Variants in RALGAPA2 observed in about 807,000 individuals in gnomAD.
RALGAPA2 encodes the protein Ral GTPase activating protein catalytic subunit alpha 2.
RALGAPA2 carries 139 observed loss-of-function variants against 230.4 expected under a neutral mutation model. The ratio of observed to expected loss-of-function variants is 0.60; its 90% CI spans 0.53 to 0.69. RALGAPA2 has a LOEUF of 0.69. Ranked by LOEUF, RALGAPA2 falls within the 30% of genes least tolerant of loss-of-function variation. The pLI, the probability that RALGAPA2 is intolerant of heterozygous loss-of-function variation, is 0.00. For missense variants in RALGAPA2, 2,163 were observed against 2,276.0 expected, an observed-to-expected ratio of 0.95 and a Z score of 1.01; for synonymous variants, 847 against 837.8, an observed-to-expected ratio of 1.01 and a Z score of -0.19.
In RALGAPA2 at chr20:20,642,142, AG is replaced by A. The variant is rs2067054942; in HGVS notation, c.373-1265del. Among the ~76,000 whole-genome samples, 2 of 5,692 alleles carry A rather than the reference AG, an allele frequency of 3.5e-4. 1 individual carries two copies. The highest frequency in any genetic ancestry group is 6.0e-4 in the Non-Finnish European group (2 of 3,360). 3.7% of individuals were successfully genotyped at this position (5,692 alleles called of 152,430 possible). ...GGGAGGGGAGGGGAGGGGAGGGGAGAGAAGGGGAGGGGAGGGGAGGGGAGGG... is the reference window on the plus strand; with the variant it reads ...GGGAGGGGAGGGGAGGGGAGGGGAGAAAGGGGAGGGGAGGGGAGGGGAGGG... On this transcript the variant is annotated intron_variant, in intron 5 of 39. Coordinates refer to ENST00000202677, the MANE Select transcript of RALGAPA2 (RefSeq NM_020343.4).
chr20:20,637,779 C>G (rs2066902720), intron 7 of RALGAPA2, among the ~76,000 whole-genome samples: 4 of 152,180 alleles, frequency 2.6e-5, no homozygotes. Flanking sequence ...ATGTATCATG[C>G]CCATATTTTT....
chr20:20,699,265 G>A (rs2069245733), intron 1 of RALGAPA2, among the ~76,000 whole-genome samples: 1 of 152,188 alleles, frequency 6.6e-6, no homozygotes, highest in Admixed American at 6.5e-5. Context: ...AGCAGGGAAA[G>A]AGAAATGGAA....
At chr20:20,693,309 T>C (rs575237222) in intron 1 of RALGAPA2, among the ~76,000 whole-genome samples, 116 of 152,344 alleles carry the variant, frequency 7.6e-4, no homozygotes, top group African/African-American at 2.7e-3. Flanking sequence ...TTTTAACAGA[T>C]ATCAAATACC....
At chr20:20,693,110 G>T (rs927282857) in intron 1 of RALGAPA2, among the ~76,000 whole-genome samples, 1 of 152,084 alleles carries the variant, frequency 6.6e-6, no homozygotes, top group Non-Finnish European at 1.5e-5. Context: ...ACCAGATGTA[G>T]AACATCAAAT....
intron 39 of RALGAPA2, among the ~76,000 whole-genome samples, chr20:20,395,404 G>A (rs1195760150): frequency 6.6e-6 from 1 of 152,244 alleles, no homozygotes; most frequent in Non-Finnish European, 1.5e-5. Context: ...CACTCGCACT[G>A]CCTCCTCCCG....
At chr20:20,405,774 G>A (rs565950881) in intron 38 of RALGAPA2, among the ~76,000 whole-genome samples, 7 of 152,212 alleles carry the variant, frequency 4.6e-5, no homozygotes, top group South Asian at 2.1e-4. Flanking sequence ...ATTTCTTGTC[G>A]GTGGCCCACT....
chr20:20,664,416 G>C (rs1005774924), intron 3 of RALGAPA2, among the ~76,000 whole-genome samples: 3 of 151,988 alleles, frequency 2.0e-5, no homozygotes, highest in Non-Finnish European at 4.4e-5. Flanking sequence ...ATGACGGAAC[G>C]AACATTCAGT....
rs185735205 is a variant in RALGAPA2, at chr20:20,408,961, G to A, written c.5617+3066C>T. Among the ~76,000 whole-genome samples the A allele has an allele frequency of 3.1e-3, 473 of 152,274 alleles. 2 individuals are homozygous for A. The highest frequency in any genetic ancestry group is 0.01 in the African/African-American group (433 of 41,550). ...GATGGAATAGATACAAGGTAGATAC[G>A]ATGGTCTTTAAAAATATTTTCTCAT... On this transcript the variant is annotated intron_variant, in intron 38 of 39. Coordinates refer to ENST00000202677, the MANE Select transcript of RALGAPA2 (RefSeq NM_020343.4).
At chr20:20,622,768 T>C (rs952473000) in intron 10 of RALGAPA2, among the ~76,000 whole-genome samples, 2 of 152,038 alleles carry the variant, frequency 1.3e-5, no homozygotes, top group African/African-American at 2.4e-5. Flanking sequence ...AAAGAGAATG[T>C]GGATAAATCT....
chr20:20,577,066 C>A (rs1323126938), intron 20 of RALGAPA2, among the ~76,000 whole-genome samples: 1 of 151,952 alleles, frequency 6.6e-6, no homozygotes, highest in Non-Finnish European at 1.5e-5. Flanking sequence ...CATAATTATT[C>A]CCAAAGTTCT....
At chr20:20,656,526 G>T (rs1288623195) in intron 3 of RALGAPA2, among the ~76,000 whole-genome samples, 1 of 151,624 alleles carries the variant, frequency 6.6e-6, no homozygotes, top group Non-Finnish European at 1.5e-5. Context: ...CTGTTTCAAG[G>T]GAAAAAAAAT....
At chr20:20,645,272 G>C (rs1160282408) in intron 4 of RALGAPA2, among the ~76,000 whole-genome samples, 2 of 151,614 alleles carry the variant, frequency 1.3e-5, no homozygotes, top group East Asian at 3.9e-4. Context: ...ATACCACCAC[G>C]CCAGGCTATT....
intron 33 of RALGAPA2, among the ~76,000 whole-genome samples, chr20:20,510,026 T>C (rs1226815269): frequency 6.6e-6 from 1 of 152,184 alleles, no homozygotes; most frequent in Non-Finnish European, 1.5e-5. Context: ...ACCAAGAGTT[T>C]GCTTGAAAAT....
At chr20:20,580,643 G>T (rs763968663) in intron 20 of RALGAPA2, among the ~76,000 whole-genome samples, 2 of 152,146 alleles carry the variant, frequency 1.3e-5, no homozygotes, top group Non-Finnish European at 2.9e-5. Flanking sequence ...AGGGATCCGT[G>T]AGTATAAACT....
intron 26 of RALGAPA2, among the ~76,000 whole-genome samples, chr20:20,532,900 GAA>G (rs1489325869): frequency 2.0e-5 from 3 of 152,080 alleles, no homozygotes; most frequent in Non-Finnish European, 2.9e-5. Context: ...CACTATTCAG[GAA>G]AAGAGTAACG....
intron 27 of RALGAPA2, 85 bp downstream of exon 27, chr20:20,531,602 A>C (rs2063368655): frequency 8.6e-7 from 1 of 1,163,540 alleles, no homozygotes; most frequent in South Asian, 1.3e-5. Context: ...TTGGGGGATA[A>C]AAAAGATGGG....
intron 16 of RALGAPA2, among the ~76,000 whole-genome samples, chr20:20,601,413 A>G (rs191695655): frequency 3.9e-4 from 60 of 152,372 alleles, no homozygotes; most frequent in African/African-American, 1.4e-3. Context: ...AGGTTCAAAC[A>G]AAACCTGTAT....
chr20:20,570,621 C>T (rs960636622), intron 23 of RALGAPA2, among the ~76,000 whole-genome samples: 1 of 152,182 alleles, frequency 6.6e-6, no homozygotes, highest in African/African-American at 2.4e-5. Flanking sequence ...CCCAATGCTA[C>T]CGGCTTAGTT....
At chr20:20,572,446 CAAA>C (rs397964870) in intron 21 of RALGAPA2, among the ~76,000 whole-genome samples, 6 of 101,742 alleles carry the variant, frequency 5.9e-5, no homozygotes, top group Non-Finnish European at 1.0e-4. Flanking sequence ...GACTCCATTT[CAAA>C]AAAAAAAAAA....
Sources: allele counts gnomAD v4.1 joint callset (sites outside exome capture counted in the v4.1 genomes callset), GRCh38; gene constraint gnomAD v4.1.1; transcripts MANE v1.5; gene names NCBI Gene and HGNC (gene_info 2026-07-23, HGNC 2026-07-21).